ENO4: variants seen among roughly 807,000 people sequenced by gnomAD.
ENO4 encodes enolase 4.
A neutral mutation model predicts 63.2 loss-of-function variants in ENO4; 53 were observed. That is an observed-to-expected ratio of 0.84 (90% CI 0.67 to 1.05). ENO4 has a LOEUF of 1.05. Among genes scored for constraint, ENO4 ranks in the 50% least tolerant of loss-of-function variants. The probability of loss-of-function intolerance (pLI) is 0.00; values close to 1 mark genes in which losing one functional copy is unlikely to be tolerated. For synonymous variants in ENO4, 266 were observed against 283.8 expected, an observed-to-expected ratio of 0.94 and a Z score of 0.63; for missense variants, 719 against 772.0, an observed-to-expected ratio of 0.93 and a Z score of 0.81.
intron 10 of ENO4, chr10:116,906,821 C>G (rs551227194): frequency 1.1e-5 from 13 of 1,218,108 alleles, no homozygotes; most frequent in Middle Eastern, 2.0e-4. Flanking sequence ...AAAAATCAAA[C>G]CATGAAAACA....
At chr10:116,880,613 T>A (rs1393798986) in intron 13 of ENO4, among the ~76,000 whole-genome samples, 1 of 152,238 alleles carries the variant, frequency 6.6e-6, no homozygotes, top group East Asian at 1.9e-4. Flanking sequence ...ACTGTGATTA[T>A]AAACTTGTCA....
chr10:116,895,867 A>G (rs1847499433), intron 10 of ENO4, among the ~76,000 whole-genome samples: 1 of 152,186 alleles, frequency 6.6e-6, no homozygotes, highest in African/African-American at 2.4e-5. Flanking sequence ...AAATTGGGAT[A>G]ATGTCCAATC....
At chr10:116,874,846 G>A (rs576303036) in intron 10 of ENO4, among the ~76,000 whole-genome samples, 15 of 152,070 alleles carry the variant, frequency 9.9e-5, no homozygotes, top group African/African-American at 1.4e-4. Flanking sequence ...CTAAATTTTG[G>A]TATTTTTAGT....
intron 10 of ENO4, chr10:116,907,864 G>C: frequency 1.9e-6 from 1 of 517,434 alleles, no homozygotes; most frequent in South Asian, 1.4e-5. Context: ...CCTTTGTAAT[G>C]TTTGAACTCA....
intron 11 of ENO4, among the ~76,000 whole-genome samples, chr10:116,876,812 G>C (rs1846846733): frequency 6.6e-6 from 1 of 152,116 alleles, no homozygotes. Context: ...TTGGCCGGGT[G>C]TGGTGGCGGG....
chr10:116,902,366 C>T (rs1032593673), intron 10 of ENO4, among the ~76,000 whole-genome samples: 2 of 152,186 alleles, frequency 1.3e-5, no homozygotes, highest in African/African-American at 4.8e-5. Context: ...GCAAATGGAA[C>T]CATGTCAAAA....
downstream of ENO4, chr10:116,885,568 G>A (rs1847141129): frequency 1.3e-5 from 2 of 152,562 alleles, no homozygotes; most frequent in Non-Finnish European, 2.9e-5. Context: ...TATGGTACTT[G>A]TGCCACATTA....
intron 9 of ENO4, among the ~76,000 whole-genome samples, chr10:116,873,124 T>C (rs1447849148): frequency 1.3e-5 from 2 of 152,216 alleles, no homozygotes; most frequent in African/African-American, 4.8e-5. Flanking sequence ...ATATTGTTAG[T>C]TCAAAATCAT....
chr10:116,891,020 T>C lies in ENO4; in HGVS notation c.1194+11034T>C, dbSNP rs1035264105. ...TTCGGCTGCAATTCAAATTAACTAA[T>C]GCCCAAAAGAGCCCTAATAGACGTG... On this transcript the variant is annotated intron_variant, in intron 10 of 10. Coordinates refer to the ENO4 transcript ENST00000369207. Among the ~76,000 whole-genome samples, 7 of 152,234 alleles carry C rather than the reference T, an allele frequency of 4.6e-5. No individual in the cohort carries two copies. In the East Asian group the frequency reaches 1.3e-3, roughly 29 times the overall value.
downstream of ENO4, chr10:116,883,558 AG>A (rs1847082446): frequency 6.6e-6 from 1 of 152,308 alleles, no homozygotes; most frequent in Admixed American, 6.5e-5. Context: ...GTATGCATTT[AG>A]AAAAATAATC....
rs1005169750 is a variant in ENO4, at chr10:116,861,045, T to C, written c.805-14T>C. On this transcript the variant is annotated splice_polypyrimidine_tract_variant and intron_variant, in intron 5 of 13. Coordinates refer to ENST00000341276, the MANE Select transcript of ENO4 (RefSeq NM_001242699.2). ...CCCTGTTTCTCATTTTCCCTCGTTTTCCCCCTATTTCAGGAACAGCCAACA... is the reference window on the plus strand; with the variant it reads ...CCCTGTTTCTCATTTTCCCTCGTTTCCCCCCTATTTCAGGAACAGCCAACA... The C allele has an allele frequency of 4.5e-6, 7 of 1,546,858 alleles. No homozygotes were observed. Among genetic ancestry groups the C allele is most frequent in the Non-Finnish European group, 6.1e-6 (7 of 1,145,232 alleles).
In ENO4 at chr10:116,866,720, G is replaced by T. The variant is rs181128109; in HGVS notation, c.991-1930G>T. On this transcript the variant is annotated intron_variant, in intron 7 of 13. Transcript: ENST00000341276. ...CTTGGGAGGCTGAGGTGGGAGGATTGCTTGAGCCCAGGAGTTTGAGGCTGC... is the reference window on the plus strand; with the variant it reads ...CTTGGGAGGCTGAGGTGGGAGGATTTCTTGAGCCCAGGAGTTTGAGGCTGC... Among the ~76,000 whole-genome samples, 384 of 151,920 alleles carry T rather than the reference G, an allele frequency of 2.5e-3. 2 individuals carry two copies. In the Middle Eastern group the frequency reaches 0.031, roughly 12 times the overall value.
chr10:116,869,118 C>T (rs1424913202), intron 8 of ENO4, among the ~76,000 whole-genome samples: 1 of 152,168 alleles, frequency 6.6e-6, no homozygotes, highest in Non-Finnish European at 1.5e-5. Context: ...CATCTGGTCC[C>T]CCAAAGGCAC....
At chr10:116,887,610 TCAG>T (rs1439766908) in intron 10 of ENO4, among the ~76,000 whole-genome samples, 2 of 152,096 alleles carry the variant, frequency 1.3e-5, no homozygotes, top group Non-Finnish European at 2.9e-5. Context: ...TCTGACCCCT[TCAG>T]CAGGTCAGAG....
chr10:116,891,932 T>C (rs1223156504), intron 10 of ENO4, among the ~76,000 whole-genome samples: 1 of 152,196 alleles, frequency 6.6e-6, no homozygotes, highest in African/African-American at 2.4e-5. Context: ...GTTTGTCAAT[T>C]TGGGTCCACT....
intron 10 of ENO4, among the ~76,000 whole-genome samples, chr10:116,890,890 G>A (rs924714569): frequency 1.3e-5 from 2 of 152,246 alleles, no homozygotes; most frequent in African/African-American, 2.4e-5. Context: ...AGATGAAAAT[G>A]CAGCATTCTA....
downstream of ENO4, among the ~76,000 whole-genome samples, chr10:116,887,563 C>T (rs1174402560): frequency 6.6e-6 from 1 of 152,192 alleles, no homozygotes; most frequent in Non-Finnish European, 1.5e-5. Context: ...GCCCACTGCT[C>T]TACCAGCCCC....
Position 116,861,030 on chromosome 10 carries a change from C to T in ENO4, c.805-29C>T, listed in dbSNP as rs758900693. 38 of 1,543,338 alleles carry T rather than the reference C, an allele frequency of 2.5e-5. No homozygotes were observed. In the East Asian group the frequency reaches 8.1e-4, roughly 33 times the overall value. The stretch of plus-strand genomic sequence containing the variant: ...CTCAATATGGATGAACCCTGTTTCT[C>T]ATTTTCCCTCGTTTTCCCCCTATTT... On this transcript the variant is annotated intron_variant, in intron 5 of 13. Transcript: ENST00000341276.
rs572090113 is a variant in ENO4, at chr10:116,881,458, T to C, written c.1724-57T>C. 6.0e-6 allele frequency: 8 copies of C among 1,332,264 alleles called. No individual in the cohort carries two copies. In the South Asian group the frequency reaches 1.1e-4, roughly 18 times the overall value. 82.5% of individuals were successfully genotyped at this position (1,332,264 alleles called of 1,614,324 possible). ...AGATGATCTCCTTCAACTTATGTAGTATATAAAAACTGGCACCATTGGATT... is the reference window on the plus strand; with the variant it reads ...AGATGATCTCCTTCAACTTATGTAGCATATAAAAACTGGCACCATTGGATT... On this transcript the variant is annotated intron_variant, in intron 13 of 13. Coordinates refer to ENST00000341276, the MANE Select transcript of ENO4 (RefSeq NM_001242699.2).
Sources: gnomAD v4.1 joint callset for allele counts (sites outside exome capture counted in the v4.1 genomes callset) on GRCh38, gnomAD v4.1.1 for gene constraint, MANE v1.5 for transcripts, NCBI Gene and HGNC (gene_info 2026-07-23, HGNC 2026-07-21) for gene names.